Variants in AGBL4 observed in about 807,000 individuals in gnomAD.
AGBL4 encodes AGBL carboxypeptidase 4.
Under a neutral mutation model 66.4 loss-of-function variants are expected in AGBL4, and 58 were observed. The ratio of observed to expected loss-of-function variants is 0.87; its 90% CI spans 0.71 to 1.09. AGBL4 has a LOEUF of 1.09. Among genes scored for constraint, AGBL4 ranks in the 50% least tolerant of loss-of-function variants. The probability of loss-of-function intolerance (pLI) is 0.00; values close to 1 mark genes in which losing one functional copy is unlikely to be tolerated. For synonymous variants in AGBL4, 234 were observed against 222.9 expected (o/e 1.05, Z -0.44); for missense variants, 579 against 631.0 (o/e 0.92, Z 0.88).
intron 3 of AGBL4, among the ~76,000 whole-genome samples, chr1:49,349,576 C>T (rs949536106): frequency 4.6e-5 from 7 of 152,128 alleles, no homozygotes; most frequent in African/African-American, 1.2e-4. Context: ...TATTTGTTGA[C>T]ACTATGTACC....
intron 5 of AGBL4, among the ~76,000 whole-genome samples, chr1:48,911,623 A>T (rs1363214376): frequency 1.3e-5 from 2 of 151,022 alleles, no homozygotes; most frequent in Non-Finnish European, 3.0e-5. Context: ...CCGTCTCAAA[A>T]AAAAAAAAAA....
chr1:49,350,141 A>G (rs931103791), intron 3 of AGBL4, among the ~76,000 whole-genome samples: 2 of 152,146 alleles, frequency 1.3e-5, no homozygotes, highest in Non-Finnish European at 2.9e-5. Context: ...GTGTTTGGCA[A>G]TACTTAGATG....
chr1:48,761,614 C>T (rs964727135), intron 6 of AGBL4: 31 of 820,666 alleles, frequency 3.8e-5, no homozygotes, highest in Non-Finnish European at 4.5e-5. Flanking sequence ...AAGGCTGGTT[C>T]CCTCTTGCAT....
At chr1:49,810,696 A>G (rs1251845836) in intron 2 of AGBL4, among the ~76,000 whole-genome samples, 1 of 152,182 alleles carries the variant, frequency 6.6e-6, no homozygotes, top group Non-Finnish European at 1.5e-5. Flanking sequence ...GAAGAATAGA[A>G]AGATAGGTTA....
chr1:49,621,656 C>G (rs887873284), intron 3 of AGBL4, among the ~76,000 whole-genome samples: 8 of 152,066 alleles, frequency 5.3e-5, no homozygotes, highest in African/African-American at 1.9e-4. Context: ...ACTATTTATT[C>G]CTAATTAGAT....
At chr1:49,230,827 C>T (rs1650255939) in intron 4 of AGBL4, among the ~76,000 whole-genome samples, 1 of 151,934 alleles carries the variant, frequency 6.6e-6, no homozygotes, top group Non-Finnish European at 1.5e-5. Context: ...TTTTTTCCTC[C>T]CCACCTCCAA....
At chr1:49,852,265 C>T (rs1470321277) in intron 1 of AGBL4, among the ~76,000 whole-genome samples, 1 of 152,144 alleles carries the variant, frequency 6.6e-6, no homozygotes, top group Non-Finnish European at 1.5e-5. Flanking sequence ...GTATGGGAAG[C>T]AAGCAGTGAC....
At position 49,382,387 on chromosome 1, in the gene AGBL4, G is replaced by GA. The variant is rs542349291; in HGVS notation, c.283-136524dup. ...AGCAATCAGTATAATACACCATATT[G>GA]AAAAAATGAAGGGGGGAAACTACAC... On this transcript the variant is annotated intron_variant, in intron 3 of 13. Coordinates refer to ENST00000371839, the MANE Select transcript of AGBL4 (RefSeq NM_032785.4). Among the ~76,000 whole-genome samples, 37 of 151,558 alleles carry GA rather than the reference G, an allele frequency of 2.4e-4. 1 individual carries two copies. Among genetic ancestry groups the GA allele is most frequent in the African/African-American group, 8.7e-4 (36 of 41,324 alleles).
intron 4 of AGBL4, among the ~76,000 whole-genome samples, chr1:49,181,735 G>A (rs1646934279): frequency 6.6e-6 from 1 of 152,170 alleles, no homozygotes; most frequent in African/African-American, 2.4e-5. Context: ...CTTAGTTGTA[G>A]TTGATTCTTT....
chr1:49,385,204 A>G (rs1035379973), intron 3 of AGBL4, among the ~76,000 whole-genome samples: 2 of 152,160 alleles, frequency 1.3e-5, no homozygotes, highest in African/African-American at 4.8e-5. Flanking sequence ...AAGATAGAAA[A>G]GTTTTAGAGA....
intron 3 of AGBL4, among the ~76,000 whole-genome samples, chr1:49,659,079 G>T (rs538893324): frequency 1.3e-4 from 20 of 151,912 alleles, no homozygotes; most frequent in African/African-American, 4.8e-5. Context: ...CATAAACAAA[G>T]GAGAAATAAA....
At chr1:49,119,890 T>C (rs1413250096) in intron 4 of AGBL4, among the ~76,000 whole-genome samples, 1 of 152,240 alleles carries the variant, frequency 6.6e-6, no homozygotes, top group African/African-American at 2.4e-5. Flanking sequence ...ATATTTAGGA[T>C]AGTTAGCTCT....
At chr1:49,121,254 C>A (rs116766934) in intron 4 of AGBL4, among the ~76,000 whole-genome samples, 1 of 152,090 alleles carries the variant, frequency 6.6e-6, no homozygotes, top group Non-Finnish European at 1.5e-5. Context: ...CCATTGCCGG[C>A]GAGGAGCTGC....
At chr1:49,905,158 T>C (rs994735517) in intron 1 of AGBL4, among the ~76,000 whole-genome samples, 3 of 152,158 alleles carry the variant, frequency 2.0e-5, no homozygotes, top group Non-Finnish European at 2.9e-5. Flanking sequence ...ATAACTTATA[T>C]AGGAATCCTC....
At chr1:49,384,274 G>A (rs1398083253) in intron 3 of AGBL4, among the ~76,000 whole-genome samples, 8 of 151,910 alleles carry the variant, frequency 5.3e-5, no homozygotes, top group Non-Finnish European at 1.0e-4. Context: ...TCAAAAATTC[G>A]GAAGAGACAA....
intron 4 of AGBL4, chr1:49,048,480 A>C (rs181324229): frequency 1.3e-5 from 2 of 152,240 alleles, no homozygotes; most frequent in Admixed American, 1.3e-4. Context: ...GCAATCATTC[A>C]GGGAAACTGA....
At chr1:49,669,338 G>A (rs1170991209) in intron 3 of AGBL4, among the ~76,000 whole-genome samples, 2 of 151,934 alleles carry the variant, frequency 1.3e-5, no homozygotes, top group Admixed American at 1.3e-4. Context: ...TTGAAAAGCT[G>A]GGACTTTACT....
chr1:48,720,174 T>C lies in AGBL4; in HGVS notation c.635-56933A>G, dbSNP rs144650278. 8.7e-4 allele frequency among the ~76,000 whole-genome samples: 132 copies of C among 152,216 alleles called. 2 individuals are homozygous for C. Among genetic ancestry groups the C allele is most frequent in the African/African-American group, 3.1e-3 (127 of 41,540 alleles). Reference sequence around the variant, plus strand: ...TGGGGACTCAGAGATCAACACAGGGTGGTCCCTACCTTAAAGGGCTTAGTC... The same window carrying C: ...TGGGGACTCAGAGATCAACACAGGGCGGTCCCTACCTTAAAGGGCTTAGTC... On this transcript the variant is annotated intron_variant, in intron 6 of 13. Transcript: ENST00000371839.
chr1:49,834,897 A>C (rs1645804953), intron 2 of AGBL4, among the ~76,000 whole-genome samples: 1 of 152,160 alleles, frequency 6.6e-6, no homozygotes, highest in African/African-American at 2.4e-5. Context: ...TGAGTTTCTT[A>C]ATCCTGAGTT....
Sources: allele counts gnomAD v4.1 joint callset (sites outside exome capture counted in the v4.1 genomes callset), GRCh38; gene constraint gnomAD v4.1.1; transcripts MANE v1.5; gene names NCBI Gene and HGNC (gene_info 2026-07-23, HGNC 2026-07-21).